The following CEP162 variants were observed in gnomAD, a reference collection of about 807,000 sequenced individuals.
CEP162 encodes centrosomal protein 162, also known as centrosomal protein of 162 kDa.
A neutral mutation model predicts 169.2 loss-of-function variants in CEP162; 141 were observed. The observed-to-expected ratio is 0.83, with a 90% CI of 0.73 to 0.96. The LOEUF is 0.96. CEP162 is among the 40% of genes least tolerant of loss of function. The probability of loss-of-function intolerance (pLI) is 0.00; values close to 1 mark genes in which losing one functional copy is unlikely to be tolerated. For synonymous variants in CEP162, 540 were observed against 526.4 expected (o/e 1.03, Z -0.35); for missense variants, 1,600 against 1,587.2 (o/e 1.01, Z -0.14).
At chr6:84,155,552 T>C (rs1348265975) in intron 21 of CEP162, 42 bp from the exon 22 acceptor site, 10 of 1,328,322 alleles carry the variant, frequency 7.5e-6, no homozygotes, top group Non-Finnish European at 1.1e-5. Flanking sequence ...TTAGATTTAA[T>C]AAATGAATTC....
At chr6:84,156,225 A>G (rs1180393414) in intron 21 of CEP162, among the ~76,000 whole-genome samples, 1 of 152,196 alleles carries the variant, frequency 6.6e-6, no homozygotes, top group East Asian at 1.9e-4. Context: ...TACAAAAATA[A>G]ACTCAAGATG....
At chr6:84,151,734 A>T (rs969138537) in intron 23 of CEP162, among the ~76,000 whole-genome samples, 4 of 152,062 alleles carry the variant, frequency 2.6e-5, no homozygotes, top group African/African-American at 9.7e-5. Context: ...ACAGAAAAGG[A>T]GTTTTGGTCA....
intron 12 of CEP162, among the ~76,000 whole-genome samples, chr6:84,186,052 T>C (rs999401126): frequency 3.3e-5 from 5 of 152,154 alleles, no homozygotes; most frequent in Non-Finnish European, 5.9e-5. Context: ...AAACTTTTTC[T>C]TATACTATTT....
intron 8 of CEP162, among the ~76,000 whole-genome samples, chr6:84,201,314 A>C (rs2099544394): frequency 6.7e-6 from 1 of 149,166 alleles, no homozygotes; most frequent in African/African-American, 2.6e-5. Flanking sequence ...AACAAACAAA[A>C]TGCAATGCAT....
intron 13 of CEP162, among the ~76,000 whole-genome samples, chr6:84,180,691 T>C (rs1399583763): frequency 6.6e-6 from 1 of 151,840 alleles, no homozygotes. Flanking sequence ...AGCATTCTTA[T>C]ACACCAATAA....
chr6:84,163,993 TAAAC>T (rs1225274528), intron 18 of CEP162, among the ~76,000 whole-genome samples: 6 of 108,774 alleles, frequency 5.5e-5, no homozygotes, highest in Non-Finnish European at 1.2e-4. Flanking sequence ...ACAAGGAACT[TAAAC>T]AAATTTACAA....
At chr6:84,137,783 AAGAATATTAAAACTCT>A (rs978187560) in intron 25 of CEP162, among the ~76,000 whole-genome samples, 24 of 152,284 alleles carry the variant, frequency 1.6e-4, no homozygotes, top group African/African-American at 2.2e-4. Flanking sequence ...TAAAACACAA[AAGAATATTAAAACTCT>A]AGAATATTAA....
intron 18 of CEP162, among the ~76,000 whole-genome samples, chr6:84,165,665 G>T (rs575142459): frequency 6.6e-6 from 1 of 152,076 alleles, no homozygotes; most frequent in Non-Finnish European, 1.5e-5. Flanking sequence ...ATAAATGTAC[G>T]CTAAACTGAA....
intron 13 of CEP162, among the ~76,000 whole-genome samples, chr6:84,175,657 T>C (rs1254796181): frequency 6.6e-6 from 1 of 152,216 alleles, no homozygotes. Flanking sequence ...TTTATTAGTT[T>C]TAAATAAATT....
chr6:84,128,388 T>C (rs1406544782), intron 25 of CEP162, among the ~76,000 whole-genome samples: 1 of 152,186 alleles, frequency 6.6e-6, no homozygotes, highest in African/African-American at 2.4e-5. Context: ...AAAAAATACT[T>C]CCTGCTATGT....
At chr6:84,136,908 C>T (rs996345590) in intron 25 of CEP162, among the ~76,000 whole-genome samples, 5 of 152,168 alleles carry the variant, frequency 3.3e-5, no homozygotes, top group Admixed American at 3.3e-4. Flanking sequence ...GGCCACACAC[C>T]AGGCACCTAG....
intron 9 of CEP162, among the ~76,000 whole-genome samples, chr6:84,197,263 G>A (rs1383602097): frequency 6.6e-6 from 1 of 150,606 alleles, no homozygotes; most frequent in African/African-American, 2.4e-5. Flanking sequence ...AAAAAAAAAA[G>A]GAGGTAGGAG....
chr6:84,171,021 A>G (rs1402946301), intron 17 of CEP162, among the ~76,000 whole-genome samples: 8 of 152,114 alleles, frequency 5.3e-5, no homozygotes, highest in African/African-American at 2.4e-5. Context: ...GCAGGGACCA[A>G]CTCTGGTACA....
At chr6:84,155,645 A>C (rs2099522865) in intron 21 of CEP162, 135 bp from the exon 22 acceptor site, 1 of 628,292 alleles carries the variant, frequency 1.6e-6, no homozygotes, top group Non-Finnish European at 2.7e-6. Context: ...GCTGAGGACC[A>C]AATCAAGAAC....
intron 6 of CEP162, 132 bp downstream of exon 6, chr6:84,212,825 A>T: frequency 1.7e-6 from 1 of 604,292 alleles, no homozygotes; most frequent in African/African-American, 1.8e-5. Flanking sequence ...AGTTTATAAC[A>T]CAGGCAAACC....
At chr6:84,142,986 TTAAG>T (rs1411487060) in intron 25 of CEP162, among the ~76,000 whole-genome samples, 2 of 152,092 alleles carry the variant, frequency 1.3e-5, no homozygotes, top group Non-Finnish European at 2.9e-5. Context: ...AACAAGTACA[TTAAG>T]TAAATATTAG....
At chr6:84,133,492 T>C (rs1455495080) in intron 25 of CEP162, among the ~76,000 whole-genome samples, 4 of 152,172 alleles carry the variant, frequency 2.6e-5, no homozygotes, top group African/African-American at 9.6e-5. Context: ...GCTGGCCTCC[T>C]TGAGTTGCGG....
intron 9 of CEP162, 49 bp from the exon 10 acceptor site, chr6:84,195,124 G>A: frequency 7.3e-7 from 1 of 1,369,816 alleles, no homozygotes. Context: ...ACAAATACAT[G>A]AGAACGATAA....
intron 26 of CEP162, 98 bp downstream of exon 26, chr6:84,126,278 CTT>C (rs2099508904): frequency 6.4e-6 from 5 of 778,488 alleles, no homozygotes; most frequent in Admixed American, 3.8e-5. Context: ...ACTGGAAACA[CTT>C]TAAGTGGTAA....
Sources: allele counts gnomAD v4.1 joint callset (sites outside exome capture counted in the v4.1 genomes callset), GRCh38; gene constraint gnomAD v4.1.1; transcripts MANE v1.5; gene names NCBI Gene and HGNC (gene_info 2026-07-23, HGNC 2026-07-21).